TCIRG1: variants seen among roughly 807,000 people sequenced by gnomAD.
TCIRG1 encodes the protein T cell immune regulator 1, ATPase H+ transporting V0 subunit a3.
TCIRG1 carries 86 observed loss-of-function variants against 95.5 expected under a neutral mutation model. The ratio of observed to expected loss-of-function variants is 0.90; its 90% confidence interval spans 0.76 to 1.08. The LOEUF (loss-of-function observed/expected upper bound fraction) is 1.08. TCIRG1 is among the 50% of genes least tolerant of loss of function. TCIRG1 has a pLI of 0.00. For synonymous variants in TCIRG1, 499 were observed against 501.3 expected (o/e 1.00, Z 0.06); for missense variants, 1,069 against 1,140.2 (o/e 0.94, Z 0.90).
chr11:68,043,569 A>AG lies in TCIRG1; in HGVS notation c.632dup. 1 of 1,607,132 alleles carries AG rather than the reference A, an allele frequency of 6.2e-7. No individual in the cohort carries two copies. The highest frequency in any genetic ancestry group is 1.3e-5 in the African/African-American group (1 of 74,964). ...CCAGAGTCAGCTGAGCCTGCTCTGCAGGGCGAGCCAGCCACGTGGATGACC... is the reference window on the plus strand; with the variant it reads ...CCAGAGTCAGCTGAGCCTGCTCTGCAGGGGCGAGCCAGCCACGTGGATGACC... On this transcript the variant is annotated splice_acceptor_variant, in intron 6 of 19. Coordinates refer to ENST00000265686, the MANE Select transcript of TCIRG1 (RefSeq NM_006019.4). LOFTEE classifies it high-confidence loss of function.
Position 68,044,841 on chromosome 11 carries a change from G to A in TCIRG1, c.1021-117G>A, listed in dbSNP as rs540753294. 29 of 1,315,098 alleles carry A rather than the reference G, an allele frequency of 2.2e-5. No individual in the cohort carries two copies. The African/African-American group carries it at 2.3e-4, about 11-fold the overall frequency. 81.5% of individuals were successfully genotyped at this position (1,315,098 alleles called of 1,614,324 possible). A position where few individuals can be genotyped will look rare whatever the true frequency, so the allele number is the denominator to read the frequency against. On this transcript the variant is annotated intron_variant, in intron 9 of 19. Coordinates refer to ENST00000265686, the MANE Select transcript of TCIRG1 (RefSeq NM_006019.4). ...TCATCTCACGTCAGAGAGAGGGGAA[G>A]GGGCTGCCCAGTGAGCCCCCACAGG...
At position 68,041,303 on chromosome 11, in the gene TCIRG1, C is replaced by T. The variant is rs1449734297; in HGVS notation, c.32C>T (p.Ala11Val). The change falls in exon 2 of 20, where the codon GCC becomes GTC. Residue 11 changes from alanine to valine, a missense_variant. Transcript: ENST00000265686. ...TCCATGTTCCGGAGCGAGGAGGTGG[C>T]CCTGGTCCAGCTCTTTCTGCCCACA... Reference protein sequence around the residue: MGSMFRSEEVALVQLFLPTAA... With the variant: MGSMFRSEEVVLVQLFLPTAA... 5.0e-6 allele frequency: 8 copies of T among 1,612,996 alleles called. No homozygotes were observed. Among genetic ancestry groups the T allele is most frequent in the African/African-American group, 4.0e-5 (3 of 74,934 alleles).
chr11:68,049,698 G>C lies in TCIRG1; in HGVS notation c.1923G>C (p.Leu641Phe). ...VVQATLVVLA[L>F]AMVPILLLGT... ...AGGCCACGCTGGTGGTCCTGGCCTTGGCCATGGTGCCCATCCTGCTGCTTG... is the reference window on the plus strand; with the variant it reads ...AGGCCACGCTGGTGGTCCTGGCCTTCGCCATGGTGCCCATCCTGCTGCTTG... Residue 641 changes from leucine (L) to phenylalanine (F), a missense_variant, in exon 16 of 20, where the codon TTG becomes TTC. Leu to Phe is a conservative substitution (Grantham distance 22). Transcript: ENST00000265686. The C allele has an allele frequency of 6.3e-7, 1 of 1,599,396 alleles. No homozygotes were observed. The highest frequency in any genetic ancestry group is 8.5e-7 in the Non-Finnish European group (1 of 1,177,980).
At position 68,043,583 on chromosome 11, in the gene TCIRG1, A is replaced by G. The variant is rs1396449217; in HGVS notation, c.643A>G (p.Thr215Ala). 1.2e-6 allele frequency: 2 copies of G among 1,610,340 alleles called. No homozygotes were observed. The highest frequency in any genetic ancestry group is 1.7e-6 in the Non-Finnish European group (2 of 1,178,918). ...GCCTGCTCTGCAGGGCGAGCCAGCC[A>G]CGTGGATGACCTTCCTCATCTCCTA... ...LEHPVTGEPA[T>A]WMTFLISYWG... The change falls in exon 7 of 20, where the codon ACG becomes GCG. Residue 215 changes from threonine (T) to alanine (A), a missense_variant. Thr to Ala is a moderately conservative substitution (Grantham distance 58). Coordinates refer to ENST00000265686, the MANE Select transcript of TCIRG1 (RefSeq NM_006019.4).
chr11:68,047,631 AC>A lies in TCIRG1; in HGVS notation c.1306-14del, dbSNP rs1855569157. The A allele has an allele frequency of 6.2e-7, 1 of 1,612,914 alleles. No individual in the cohort carries two copies. Among genetic ancestry groups the A allele is most frequent in the African/African-American group, 1.3e-5 (1 of 74,864 alleles). On this transcript the variant is annotated splice_polypyrimidine_tract_variant and intron_variant, in intron 11 of 19. Transcript: ENST00000265686. ...GCAGGGCCAGGCAGCCCCTCACCAC[AC>A]CACTGCCCCCCCAGATCTGGCAGAC...
intron 1 of TCIRG1, 36 bp from the exon 2 acceptor site, chr11:68,041,232 T>C (rs758686699): frequency 5.6e-6 from 8 of 1,419,854 alleles, no homozygotes. Context: ...GTCTGTGGTC[T>C]GCCCCTGACT....
rs754915625 is a variant in TCIRG1, at chr11:68,050,209, A to G, written c.2191A>G (p.Thr731Ala). Residue 731 changes from threonine (T) to alanine (A), a missense_variant, in exon 18 of 20, where the codon ACC (threonine) becomes GCC (alanine). Transcript: ENST00000265686. ...IEFCLGCVSN[T>A]ASYLRLWALS... ...GTTCTGCCTGGGCTGCGTCTCCAAC[A>G]CCGCCTCCTACCTGCGCCTGTGGGC... 7 of 1,613,186 alleles carry G rather than the reference A, an allele frequency of 4.3e-6. No individual in the cohort carries two copies. In the South Asian group the frequency reaches 7.7e-5, roughly 18 times the overall value.
chr11:68,045,333 G>T (rs1855427544), intron 10 of TCIRG1, among the ~76,000 whole-genome samples: 1 of 152,268 alleles, frequency 6.6e-6, no homozygotes, highest in Non-Finnish European at 1.5e-5. Flanking sequence ...GCCGGCACGG[G>T]CTTGTGCAAA....
At chr11:68,050,991 G>C (rs1855777742), downstream of TCIRG1, 1 of 723,304 alleles carries the variant, frequency 1.4e-6, no homozygotes, top group Admixed American at 2.1e-5. Flanking sequence ...TCAAGGCCTG[G>C]ACCTGAGCAG....
chr11:68,046,689 C>T (rs1205891917), intron 10 of TCIRG1, among the ~76,000 whole-genome samples: 2 of 152,162 alleles, frequency 1.3e-5, no homozygotes, highest in Non-Finnish European at 2.9e-5. Flanking sequence ...CTCCTGCCTC[C>T]CATGAGGACT....
At chr11:68,044,385 C>A (rs548772860) in intron 9 of TCIRG1, 41 bp downstream of exon 9, 1 of 1,485,122 alleles carries the variant, frequency 6.7e-7, no homozygotes, top group Admixed American at 2.0e-5. Flanking sequence ...GCCCGCCCCT[C>A]CTACCAGGCC....
chr11:68,048,840 G>A, intron 13 of TCIRG1, 39 bp from the exon 14 acceptor site: 1 of 1,432,132 alleles, frequency 7.0e-7, no homozygotes, highest in Non-Finnish European at 9.8e-7. Context: ...TGATGGCGAG[G>A]GAGCCCCTGA....
rs1855751336 is a variant in TCIRG1, at chr11:68,050,534, C to T, written c.2284C>T (p.Leu762=). 2 of 1,613,888 alleles carry T rather than the reference C, an allele frequency of 1.2e-6. No homozygotes were observed. The highest frequency in any genetic ancestry group is 1.7e-6 in the Non-Finnish European group (2 of 1,180,014). The change falls in exon 19 of 20, where the codon CTG becomes TTG. Residue 762 remains leucine (L), a synonymous_variant. Transcript: ENST00000265686. ...CATGGTGATGCGCATAGGCCTGGGC[C>T]TGGGCCGGGAGGTGGGCGTGGCGGC... ...WAMVMRIGLG[L]GREVGVAAVV...
chr11:68,044,818 A>C, intron 9 of TCIRG1, 140 bp from the exon 10 acceptor site: 1 of 1,061,074 alleles, frequency 9.4e-7, no homozygotes, highest in Non-Finnish European at 1.4e-6. Flanking sequence ...AGGGCTGATC[A>C]TCTCACGTCA....
intron 15 of TCIRG1, 92 bp from the exon 16 acceptor site, chr11:68,049,571 C>G: frequency 6.6e-7 from 1 of 1,525,344 alleles, no homozygotes; most frequent in Admixed American, 1.9e-5. Context: ...GGAGCGACCG[C>G]AGGCTCTCTG....
In TCIRG1 at chr11:68,041,285, T is replaced by C; in HGVS notation, c.14T>C (p.Phe5Ser). The change falls in exon 2 of 20, where the codon TTC becomes TCC. Residue 5 changes from phenylalanine to serine, a missense_variant. Coordinates refer to ENST00000265686, the MANE Select transcript of TCIRG1 (RefSeq NM_006019.4). Reference sequence around the variant, plus strand: ...ACCCACAGGACCATGGGCTCCATGTTCCGGAGCGAGGAGGTGGCCCTGGTC... The same window carrying C: ...ACCCACAGGACCATGGGCTCCATGTCCCGGAGCGAGGAGGTGGCCCTGGTC... MGSMFRSEEVALVQL... is the reference protein window; with the variant it reads MGSMSRSEEVALVQL... 1 of 1,612,432 alleles carries C rather than the reference T, an allele frequency of 6.2e-7. No individual in the cohort carries two copies. The highest frequency in any genetic ancestry group is 1.1e-5 in the South Asian group (1 of 91,074).
At chr11:68,046,358 G>A (rs1419110744) in intron 10 of TCIRG1, among the ~76,000 whole-genome samples, 1 of 152,128 alleles carries the variant, frequency 6.6e-6, no homozygotes, top group African/African-American at 2.4e-5. Flanking sequence ...AAAAATAAAA[G>A]ATGATGAGGT....
Position 68,039,052 on chromosome 11 carries a change from T to A in TCIRG1, c.-72T>A, listed in dbSNP as rs1008685594. The A allele has an allele frequency of 6.6e-6, 1 of 152,278 alleles. No homozygotes were observed. The highest frequency in any genetic ancestry group is 2.4e-5 in the African/African-American group (1 of 41,454). The allele number at this position is 152,278 out of a possible 1,614,324, so 9.4% of individuals were successfully genotyped here. ...TCCCGGGCTGGCGGGAGTGCAGTTCTGAGTCCCGCCCGGCGTGCGCGGAGC... is the reference window on the plus strand; with the variant it reads ...TCCCGGGCTGGCGGGAGTGCAGTTCAGAGTCCCGCCCGGCGTGCGCGGAGC... On this transcript the variant is annotated 5_prime_UTR_variant, in exon 1 of 20. Coordinates refer to ENST00000265686, the MANE Select transcript of TCIRG1 (RefSeq NM_006019.4).
chr11:68,042,678 G>A lies in TCIRG1; in HGVS notation c.232G>A (p.Val78Ile). 6.5e-7 allele frequency: 1 copy of A among 1,546,712 alleles called. No homozygotes were observed. ...GGAGGAGGTGCGGCGGGCTGGGCTG[G>A]TCCTGCCCCCGCCAAAGGGGAGGCT... ...LQEEVRRAGLVLPPPKGRLPA... is the reference protein window; with the variant it reads ...LQEEVRRAGLILPPPKGRLPA... The change falls in exon 4 of 20, where the codon GTC (valine) becomes ATC (isoleucine). Residue 78 changes from valine to isoleucine, a missense_variant. Val to Ile is a conservative substitution (Grantham distance 29). Transcript: ENST00000265686.
Sources: gnomAD v4.1 joint callset for allele counts (sites outside exome capture counted in the v4.1 genomes callset) on GRCh38, gnomAD v4.1.1 for gene constraint, MANE v1.5 for transcripts, NCBI Gene and HGNC (gene_info 2026-07-23, HGNC 2026-07-21) for gene names.